SPACA1: variants seen among roughly 807,000 people sequenced by gnomAD.
SPACA1 encodes sperm acrosome associated 1.
SPACA1 carries 17 observed loss-of-function variants against 32.6 expected under a neutral mutation model. The observed-to-expected ratio is 0.52, with a 90% CI of 0.36 to 0.78. The LOEUF is 0.78. SPACA1 is among the 30% of genes least tolerant of loss of function. SPACA1 has a pLI of 0.01. For missense variants in SPACA1, 363 were observed against 373.4 expected (o/e 0.97, Z 0.23); for synonymous variants, 140 against 138.1 (o/e 1.01, Z -0.10).
At chr6:88,051,180 A>G (rs2127797995) in intron 1 of SPACA1, among the ~76,000 whole-genome samples, 1 of 152,232 alleles carries the variant, frequency 6.6e-6, no homozygotes, top group East Asian at 1.9e-4. Context: ...TTATATCCTT[A>G]TACTTTTGTT....
chr6:88,051,874 A>G (rs1163291227), intron 1 of SPACA1, among the ~76,000 whole-genome samples: 1 of 152,220 alleles, frequency 6.6e-6, no homozygotes, highest in East Asian at 1.9e-4. Flanking sequence ...TGATAACAGC[A>G]TCTTTTTCCA....
chr6:88,047,485 T>G (rs1017947435), upstream of SPACA1, among the ~76,000 whole-genome samples: 1 of 152,152 alleles, frequency 6.6e-6, no homozygotes, highest in African/African-American at 2.4e-5. Context: ...GTAAACATTA[T>G]GTACGAAAAA....
At chr6:88,061,003 A>T (rs1775888950) in intron 5 of SPACA1, among the ~76,000 whole-genome samples, 1 of 152,182 alleles carries the variant, frequency 6.6e-6, no homozygotes, top group Admixed American at 6.5e-5. Context: ...TGAATGACAA[A>T]ATATTTTAAA....
intron 1 of SPACA1, among the ~76,000 whole-genome samples, chr6:88,053,696 T>C (rs536969211): frequency 2.6e-5 from 4 of 152,316 alleles, no homozygotes; most frequent in South Asian, 2.1e-4. Context: ...TTAAGGTATA[T>C]ACAAAGTTTA....
Position 88,056,446 on chromosome 6 carries a change from T to G in SPACA1, c.266-1166T>G, listed in dbSNP as rs76703603. Among the ~76,000 whole-genome samples the G allele has an allele frequency of 6.2e-3, 940 of 152,270 alleles. 8 individuals carry two copies. The highest frequency in any genetic ancestry group is 0.027 in the Middle Eastern group (8 of 294). ...CCAAAGACCTTCTTCCTTCCATCCT[T>G]CCATTTTCTTGTTTCGTATGTAGCC... On this transcript the variant is annotated intron_variant, in intron 2 of 6. Coordinates refer to ENST00000237201, the MANE Select transcript of SPACA1 (RefSeq NM_030960.3).
upstream of SPACA1, among the ~76,000 whole-genome samples, chr6:88,046,998 A>G (rs571356681): frequency 1.3e-5 from 2 of 152,192 alleles, no homozygotes; most frequent in Non-Finnish European, 2.9e-5. Context: ...GCCTCAAAGT[A>G]TGGCACCCTA....
In SPACA1 at chr6:88,059,496, G is replaced by C. The variant is rs201534695; in HGVS notation, c.518G>C (p.Arg173Pro). 1 of 1,612,634 alleles carries C rather than the reference G, an allele frequency of 6.2e-7. No individual in the cohort carries two copies. The highest frequency in any genetic ancestry group is 8.5e-7 in the Non-Finnish European group (1 of 1,179,420). The change falls in exon 5 of 7, where the codon CGC (arginine) becomes CCC (proline). Residue 173 changes from arginine (R) to proline (P), a missense_variant. By Grantham distance (103) the Arg-to-Pro change is moderately radical. Transcript: ENST00000237201. ...AATGATTCAGCAATCCTAGAAGTAC[G>C]CAAGGAAAGTCACCCCTTGGCTTTC... ...LVNDSAILEV[R>P]KESHPLAFEC...
At chr6:88,055,041 GT>G (rs546993513) in intron 2 of SPACA1, among the ~76,000 whole-genome samples, 847 of 143,966 alleles carry the variant, frequency 5.9e-3, no homozygotes, top group South Asian at 0.014. Context: ...GTTTTAACCT[GT>G]TTTTTTTTTT....
Position 88,057,706 on chromosome 6 carries a change from T to C in SPACA1, c.360T>C (p.Asp120=). ...VRVEECRGPT[D]CGWGKPISES... ...TAGAAGAATGCCGTGGACCAACAGATTGTGGCTGTGAGTTGAATTATGTAT... is the reference window on the plus strand; with the variant it reads ...TAGAAGAATGCCGTGGACCAACAGACTGTGGCTGTGAGTTGAATTATGTAT... Residue 120 remains aspartate (D), a synonymous_variant, in exon 3 of 7, where the codon GAT becomes GAC. Coordinates refer to ENST00000237201, the MANE Select transcript of SPACA1 (RefSeq NM_030960.3). 6.2e-7 allele frequency: 1 copy of C among 1,613,668 alleles called. No homozygotes were observed. The highest frequency in any genetic ancestry group is 8.5e-7 in the Non-Finnish European group (1 of 1,179,614).
At chr6:88,051,112 A>G (rs578222703) in intron 1 of SPACA1, among the ~76,000 whole-genome samples, 90 of 151,900 alleles carry the variant, frequency 5.9e-4, no homozygotes, top group African/African-American at 2.0e-3. Context: ...ACGCCACTGC[A>G]CTCCAGCCTG....
chr6:88,050,490 A>G (rs770439819), intron 1 of SPACA1, among the ~76,000 whole-genome samples: 4 of 152,196 alleles, frequency 2.6e-5, no homozygotes, highest in Non-Finnish European at 5.9e-5. Context: ...TAATTGTGAA[A>G]TGTTTTTCTC....
chr6:88,052,543 A>G (rs926770378), intron 1 of SPACA1, among the ~76,000 whole-genome samples: 1 of 152,164 alleles, frequency 6.6e-6, no homozygotes, highest in African/African-American at 2.4e-5. Context: ...AGTATGCAAG[A>G]TACTATACTG....
intron 3 of SPACA1, 85 bp downstream of exon 3, chr6:88,057,798 A>G: frequency 1.3e-5 from 13 of 1,027,502 alleles, no homozygotes. Flanking sequence ...GCCACTGAGT[A>G]GAAGGAGGCA....
In SPACA1 at chr6:88,066,433, G is replaced by C. The variant is rs187214645; in HGVS notation, c.*98G>C. On this transcript the variant is annotated 3_prime_UTR_variant, in exon 7 of 7. Transcript: ENST00000237201. The stretch of plus-strand genomic sequence containing the variant: ...CATTGAAATACTTTAATAATGTTGC[G>C]ATGGATTGCCACAGTGTGAAGGAAA... The C allele has an allele frequency of 8.5e-7, 1 of 1,173,336 alleles. No individual in the cohort carries two copies. Among genetic ancestry groups the C allele is most frequent in the South Asian group, 2.1e-5 (1 of 47,602 alleles). 72.7% of individuals were successfully genotyped at this position (1,173,336 alleles called of 1,614,324 possible).
At chr6:88,059,371 T>G in intron 4 of SPACA1, 82 bp from the exon 5 acceptor site, 1 of 1,265,022 alleles carries the variant, frequency 7.9e-7, no homozygotes, top group Non-Finnish European at 1.1e-6. Context: ...GTAACCCTCC[T>G]TTCCTTAAGG....
At chr6:88,049,627 T>C (rs928093184) in intron 1 of SPACA1, among the ~76,000 whole-genome samples, 4 of 152,184 alleles carry the variant, frequency 2.6e-5, no homozygotes. Context: ...TAATTTTTTT[T>C]TAGTCATTTA....
chr6:88,059,689 C>T (rs1020119532), intron 5 of SPACA1, 101 bp downstream of exon 5: 124 of 1,191,462 alleles, frequency 1.0e-4, no homozygotes, highest in Non-Finnish European at 1.3e-4. Flanking sequence ...AGCCCTCCCC[C>T]CAGAGTTTCT....
At chr6:88,053,669 A>G (rs1019055641) in intron 1 of SPACA1, among the ~76,000 whole-genome samples, 14 of 152,138 alleles carry the variant, frequency 9.2e-5, no homozygotes, top group Non-Finnish European at 1.3e-4. Flanking sequence ...CTATATATCA[A>G]CTGATGAAAA....
intron 1 of SPACA1, 22 bp downstream of exon 1, chr6:88,048,135 C>G (rs1478524912): frequency 6.4e-7 from 1 of 1,561,248 alleles, no homozygotes; most frequent in Non-Finnish European, 8.7e-7. Context: ...AGCTCCCTTG[C>G]GGGGCACGCG....
Sources: gnomAD v4.1 joint callset for allele counts (sites outside exome capture counted in the v4.1 genomes callset) on GRCh38, gnomAD v4.1.1 for gene constraint, MANE v1.5 for transcripts, NCBI Gene and HGNC (gene_info 2026-07-23, HGNC 2026-07-21) for gene names.